The following SH3GLB1 variants were observed in gnomAD, a reference collection of about 807,000 sequenced individuals.
SH3GLB1 encodes endophilin-B1.
SH3GLB1 carries 17 observed loss-of-function variants against 42.0 expected under a neutral mutation model. The ratio of observed to expected loss-of-function variants is 0.40; its 90% CI spans 0.28 to 0.61. SH3GLB1 has a LOEUF of 0.61. Among genes scored for constraint, SH3GLB1 ranks in the 20% least tolerant of loss-of-function variants. The pLI is 0.36. For missense variants in SH3GLB1, 355 were observed against 426.3 expected, an observed-to-expected ratio of 0.83 and a Z score of 1.47; for synonymous variants, 132 against 146.6, an observed-to-expected ratio of 0.90 and a Z score of 0.72.
At chr1:86,724,885 AAAAAAAAATATAT>A (rs1655080365) in intron 5 of SH3GLB1, among the ~76,000 whole-genome samples, 2 of 124,402 alleles carry the variant, frequency 1.6e-5, no homozygotes, top group African/African-American at 7.7e-5. Flanking sequence ...AAAAAAAAAA[AAAAAAAAATATAT>A]ATATATATAT....
At chr1:86,715,890 C>T in intron 2 of SH3GLB1, 25 bp downstream of exon 2, 2 of 1,585,906 alleles carry the variant, frequency 1.3e-6, no homozygotes, top group Non-Finnish European at 1.7e-6. Flanking sequence ...CTCTTGTGTA[C>T]CTTAAGTACT....
intron 5 of SH3GLB1, among the ~76,000 whole-genome samples, chr1:86,726,306 G>A (rs545452635): frequency 2.6e-5 from 4 of 151,978 alleles, no homozygotes; most frequent in Admixed American, 1.3e-4. Context: ...GTTCCAGAAA[G>A]CACACACATA....
chr1:86,705,039 G>A, intron 1 of SH3GLB1, 68 bp downstream of exon 1: 1 of 1,090,800 alleles, frequency 9.2e-7, no homozygotes. Context: ...ACCGCAGCTC[G>A]ACGCGGCGCC....
chr1:86,709,477 C>T (rs904760059), intron 1 of SH3GLB1, among the ~76,000 whole-genome samples: 1 of 152,182 alleles, frequency 6.6e-6, no homozygotes, highest in African/African-American at 2.4e-5. Context: ...AGACCCTGTT[C>T]CTGCCCTCAG....
intron 1 of SH3GLB1, among the ~76,000 whole-genome samples, chr1:86,714,420 TA>T (rs1293101698): frequency 6.6e-6 from 1 of 152,206 alleles, no homozygotes; most frequent in Non-Finnish European, 1.5e-5. Flanking sequence ...TTTTTGGTTC[TA>T]CCCACTAGGT....
chr1:86,714,600 G>C (rs1178842230), intron 1 of SH3GLB1, among the ~76,000 whole-genome samples: 1 of 152,152 alleles, frequency 6.6e-6, no homozygotes, highest in Admixed American at 6.6e-5. Flanking sequence ...TAACCTGAAA[G>C]TATTAAACCA....
chr1:86,716,694 T>C (rs769334560), intron 2 of SH3GLB1, among the ~76,000 whole-genome samples: 7 of 152,244 alleles, frequency 4.6e-5, no homozygotes, highest in Non-Finnish European at 7.3e-5. Context: ...CATAATTGTT[T>C]AGTGAATGAA....
chr1:86,729,165 A>G (rs1456789419), intron 5 of SH3GLB1, among the ~76,000 whole-genome samples: 1 of 152,172 alleles, frequency 6.6e-6, no homozygotes, highest in Non-Finnish European at 1.5e-5. Flanking sequence ...AACATAGCCA[A>G]CAATTTGTGC....
chr1:86,738,355 A>G (rs1306836926), intron 7 of SH3GLB1, among the ~76,000 whole-genome samples: 1 of 151,516 alleles, frequency 6.6e-6, no homozygotes, highest in African/African-American at 2.4e-5. Flanking sequence ...AAGCTCCTCC[A>G]TCTGGGTTTA....
At chr1:86,729,257 A>C (rs1655379477) in intron 5 of SH3GLB1, among the ~76,000 whole-genome samples, 1 of 152,220 alleles carries the variant, frequency 6.6e-6, no homozygotes, top group African/African-American at 2.4e-5. Context: ...AGGGATCTGC[A>C]GTACAGCTAA....
intron 5 of SH3GLB1, among the ~76,000 whole-genome samples, chr1:86,727,643 T>C (rs1233182963): frequency 6.6e-6 from 1 of 152,030 alleles, no homozygotes; most frequent in Non-Finnish European, 1.5e-5. Flanking sequence ...GCATTTCAAT[T>C]ATAAGGCACC....
At position 86,743,801 on chromosome 1, in the gene SH3GLB1, G is replaced by C. The variant is rs1229860609; in HGVS notation, c.*566G>C. 4 of 152,484 alleles carry C rather than the reference G, an allele frequency of 2.6e-5. No homozygotes were observed. The highest frequency in any genetic ancestry group is 9.7e-5 in the African/African-American group (4 of 41,412). The allele number at this position is 152,484 out of a possible 1,614,324, so 9.4% of individuals were successfully genotyped here. A position where few individuals can be genotyped will look rare whatever the true frequency, so the allele number is the denominator to read the frequency against. On this transcript the variant is annotated 3_prime_UTR_variant, in exon 9 of 9. Transcript: ENST00000370558. ...TGATTTTAATATTATGTTTTGATGG[G>C]TTATTTTCAGAGTTGTTTGGTTTTT... is the stretch of plus-strand genomic sequence containing the variant.
chr1:86,714,879 CAG>C (rs1345419136), intron 1 of SH3GLB1, among the ~76,000 whole-genome samples: 1 of 152,190 alleles, frequency 6.6e-6, no homozygotes, highest in African/African-American at 2.4e-5. Context: ...TAGATCTACA[CAG>C]AATCTTTTTA....
chr1:86,721,662 G>A (rs1654864430), intron 3 of SH3GLB1, among the ~76,000 whole-genome samples: 1 of 152,100 alleles, frequency 6.6e-6, no homozygotes, highest in African/African-American at 2.4e-5. Flanking sequence ...ATATCACTAT[G>A]AACTATTACT....
chr1:86,741,077 T>C (rs1656039078), intron 7 of SH3GLB1, among the ~76,000 whole-genome samples: 1 of 152,062 alleles, frequency 6.6e-6, no homozygotes, highest in African/African-American at 2.4e-5. Context: ...TAGAATTGTT[T>C]AGGGAAAAGA....
In SH3GLB1 at chr1:86,704,891, CCGCCTAG is replaced by C; in HGVS notation, c.-8_-2del. 6.4e-7 allele frequency: 1 copy of C among 1,565,362 alleles called. No individual in the cohort carries two copies. Among genetic ancestry groups the C allele is most frequent in the Non-Finnish European group, 8.6e-7 (1 of 1,158,424 alleles). On this transcript the variant is annotated 5_prime_UTR_variant, in exon 1 of 9. Transcript: ENST00000370558. The stretch of plus-strand genomic sequence containing the variant: ...TAGGTCGGCCGGCTCCGCCCGGCTG[CCGCCTAG>C]GATGAATATCATGGACTTCAACGTG...
intron 7 of SH3GLB1, among the ~76,000 whole-genome samples, chr1:86,740,759 C>T (rs1217246087): frequency 6.6e-6 from 1 of 151,940 alleles, no homozygotes; most frequent in Non-Finnish European, 1.5e-5. Context: ...ATCTAAGAGG[C>T]TAAAGGGTTG....
chr1:86,727,665 A>G (rs1244859075), intron 5 of SH3GLB1, among the ~76,000 whole-genome samples: 1 of 152,048 alleles, frequency 6.6e-6, no homozygotes, highest in Non-Finnish European at 1.5e-5. Flanking sequence ...ACATTTACGA[A>G]TCCAATTTTA....
At chr1:86,711,561 AATT>A (rs1408666246) in intron 1 of SH3GLB1, among the ~76,000 whole-genome samples, 3 of 152,134 alleles carry the variant, frequency 2.0e-5, no homozygotes, top group Admixed American at 2.0e-4. Context: ...AAAAGTTCTT[AATT>A]ATTAAACTAT....
Sources: gnomAD v4.1 joint callset for allele counts (sites outside exome capture counted in the v4.1 genomes callset) on GRCh38, gnomAD v4.1.1 for gene constraint, MANE v1.5 for transcripts, NCBI Gene and HGNC (gene_info 2026-07-23, HGNC 2026-07-21) for gene names.